Variants in ENDOU observed in about 807,000 individuals in gnomAD.
ENDOU encodes the protein uridylate-specific endoribonuclease.
In ENDOU, 49 loss-of-function variants were observed where a neutral mutation model predicts 54.2. The ratio of observed to expected loss-of-function variants is 0.90; its 90% CI spans 0.72 to 1.15. The LOEUF is 1.15. Among genes scored for constraint, ENDOU ranks in the 50% most tolerant of loss-of-function variants. ENDOU has a pLI of 0.00. For synonymous variants in ENDOU, 172 were observed against 190.5 expected (o/e 0.90, Z 0.80); for missense variants, 458 against 511.4 (o/e 0.90, Z 1.01).
chr12:47,724,281 A>T (rs1413229474), intron 1 of ENDOU, among the ~76,000 whole-genome samples: 1 of 151,958 alleles, frequency 6.6e-6, no homozygotes, highest in Non-Finnish European at 1.5e-5. Context: ...CTGCCTCTCC[A>T]CCCACTAGGG....
chr12:47,716,304 G>A lies in ENDOU; in HGVS notation c.747C>T (p.His249=). The change falls in exon 6 of 10, where the codon CAC becomes CAT. Residue 249 remains histidine (H), a synonymous_variant. Transcript: ENST00000422538. Reference sequence around the variant, plus strand: ...GGCCTGGGGGTGCTCACTCACTCTGGTGATGGAGGAAGCTGTAGAGCTCCT... The same window carrying A: ...GGCCTGGGGGTGCTCACTCACTCTGATGATGGAGGAAGCTGTAGAGCTCCT... ...VMKELYSFLH[H]QNRYGSEQEF... 2.5e-6 allele frequency: 4 copies of A among 1,614,002 alleles called. No individual in the cohort carries two copies. The highest frequency in any genetic ancestry group is 3.4e-6 in the Non-Finnish European group (4 of 1,179,948).
Position 47,710,880 on chromosome 12 carries a change from C to T in ENDOU, c.1155G>A (p.Arg385=). ...LSLGGYPLAV[R]TYTWDKSTYG... ...AGGTGGACTTGTCCCAGGTATATGTCCGGACAGCTAAGGGATATCCTCCCA... is the reference window on the plus strand; with the variant it reads ...AGGTGGACTTGTCCCAGGTATATGTTCGGACAGCTAAGGGATATCCTCCCA... The change falls in exon 10 of 10, where the codon CGG becomes CGA. Residue 385 remains arginine, a synonymous_variant. Coordinates refer to ENST00000422538, the MANE Select transcript of ENDOU (RefSeq NM_001172439.2). The T allele has an allele frequency of 1.2e-6, 2 of 1,614,090 alleles. No individual in the cohort carries two copies. The highest frequency in any genetic ancestry group is 1.7e-6 in the Non-Finnish European group (2 of 1,179,948).
At position 47,717,963 on chromosome 12, in the gene ENDOU, C is replaced by A. The variant is rs572390182; in HGVS notation, c.244+166G>T. ...CTCCTCCCATGGCCCCCCAGGCTGG[C>A]TGAGCCCCCCCAGGCTTCTTCCTGC... is the stretch of plus-strand genomic sequence containing the variant. On this transcript the variant is annotated intron_variant, in intron 3 of 9. Transcript: ENST00000422538. The A allele has an allele frequency of 6.7e-5, 45 of 671,268 alleles. No homozygotes were observed. In the African/African-American group the frequency reaches 6.7e-4, roughly 10 times the overall value. The allele number at this position is 671,268 out of a possible 1,614,324, so 41.6% of individuals were successfully genotyped here.
At chr12:47,712,153 A>G (rs961392436) in intron 8 of ENDOU, among the ~76,000 whole-genome samples, 1 of 152,236 alleles carries the variant, frequency 6.6e-6, no homozygotes, top group Non-Finnish European at 1.5e-5. Context: ...TATAAAGTGT[A>G]TGAAGTTTAG....
At chr12:47,713,424 G>T (rs1940111523) in intron 6 of ENDOU, 36 bp from the exon 7 acceptor site, 1 of 1,482,774 alleles carries the variant, frequency 6.7e-7, no homozygotes, top group Non-Finnish European at 9.4e-7. Flanking sequence ...GAGAGGGGAG[G>T]CAGGGCCAGG....
Position 47,711,639 on chromosome 12 carries a change from C to T in ENDOU, c.1109G>A (p.Gly370Asp). The T allele has an allele frequency of 1.2e-6, 2 of 1,613,106 alleles. No homozygotes were observed. The highest frequency in any genetic ancestry group is 2.2e-5 in the East Asian group (1 of 44,860). ...LYSLCFIARPGKVCQLSLGGY... is the reference protein window; with the variant it reads ...LYSLCFIARPDKVCQLSLGGY... ...TGGCTGGCCCCATTCTTACACTTTG[C>T]CTGGCCTGGCGATGAAGCACAGGGA... The change falls in exon 9 of 10, where the codon GGC becomes GAC. Residue 370 changes from glycine to aspartate, a missense_variant. By Grantham distance (94) the Gly-to-Asp change is moderately conservative. Coordinates refer to ENST00000422538, the MANE Select transcript of ENDOU (RefSeq NM_001172439.2).
chr12:47,717,468 T>C, intron 4 of ENDOU, 50 bp downstream of exon 4: 1 of 1,597,860 alleles, frequency 6.3e-7, no homozygotes, highest in South Asian at 1.1e-5. Flanking sequence ...GAGAACCTGC[T>C]CTAAAGTCCT....
At position 47,717,893 on chromosome 12, in the gene ENDOU, C is replaced by G. The variant is rs1478632070; in HGVS notation, c.244+236G>C. The G allele has an allele frequency of 4.9e-6, 3 of 608,658 alleles. No individual in the cohort carries two copies. In the African/African-American group the frequency reaches 5.6e-5, roughly 11 times the overall value. The allele number at this position is 608,658 out of a possible 1,614,324, so 37.7% of individuals were successfully genotyped here. A position where few individuals can be genotyped will look rare whatever the true frequency, so the allele number is the denominator to read the frequency against. On this transcript the variant is annotated intron_variant, in intron 3 of 9. Coordinates refer to ENST00000422538, the MANE Select transcript of ENDOU (RefSeq NM_001172439.2). ...TCTTCTCATTCTAAAAATAAAATCT[C>G]TTCCACTTCCCTCTCCAGGCCTCAG... is the stretch of plus-strand genomic sequence containing the variant.
chr12:47,710,862 C>T lies in ENDOU; in HGVS notation c.1173G>A (p.Lys391=), dbSNP rs1939967759. The change falls in exon 10 of 10, where the codon AAG becomes AAA. Residue 391 remains lysine, a synonymous_variant. Coordinates refer to ENST00000422538, the MANE Select transcript of ENDOU (RefSeq NM_001172439.2). ...PLAVRTYTWD[K]STYGNGKKYI... ...ACTTCTTGCCATTCCCATAGGTGGA[C>T]TTGTCCCAGGTATATGTCCGGACAG... 6.2e-7 allele frequency: 1 copy of T among 1,614,040 alleles called. No homozygotes were observed. Among genetic ancestry groups the T allele is most frequent in the African/African-American group, 1.3e-5 (1 of 74,934 alleles).
At chr12:47,722,957 G>A (rs561160138) in intron 1 of ENDOU, among the ~76,000 whole-genome samples, 10 of 152,332 alleles carry the variant, frequency 6.6e-5, no homozygotes, top group African/African-American at 2.4e-4. Context: ...AAGACCTTAA[G>A]GAGAAATTTT....
intron 1 of ENDOU, among the ~76,000 whole-genome samples, chr12:47,723,262 A>C (rs976814949): frequency 6.6e-6 from 1 of 152,172 alleles, no homozygotes; most frequent in Non-Finnish European, 1.5e-5. Context: ...TTCTCTGTGC[A>C]CTTAGTCTGC....
At chr12:47,723,610 A>G (rs779180256) in intron 1 of ENDOU, among the ~76,000 whole-genome samples, 13 of 152,208 alleles carry the variant, frequency 8.5e-5, no homozygotes, top group Non-Finnish European at 1.3e-4. Context: ...TGCACTTTCT[A>G]AGACTTCAAT....
chr12:47,709,927 A>C lies in ENDOU; in HGVS notation c.*875T>G, dbSNP rs1939922792. On this transcript the variant is annotated 3_prime_UTR_variant, in exon 10 of 10. Transcript: ENST00000422538. Reference sequence around the variant, plus strand: ...ATTATGGCTGCTGGATAAGGCTTAAAATAATTATGTTAATGACACCAAGCT... The same window carrying C: ...ATTATGGCTGCTGGATAAGGCTTAACATAATTATGTTAATGACACCAAGCT... 6.6e-6 allele frequency: 1 copy of C among 152,182 alleles called. No homozygotes were observed. Among genetic ancestry groups the C allele is most frequent in the Non-Finnish European group, 1.5e-5 (1 of 68,036 alleles). The allele number at this position is 152,182 out of a possible 1,614,324, so 9.4% of individuals were successfully genotyped here.
At chr12:47,725,214 A>G in intron 1 of ENDOU, 145 bp downstream of exon 1, 1 of 841,922 alleles carries the variant, frequency 1.2e-6, no homozygotes, top group South Asian at 1.5e-5. Flanking sequence ...GACAAGGACA[A>G]CCCAAAAGTG....
Position 47,720,861 on chromosome 12 carries a change from A to G in ENDOU, c.70T>C (p.Cys24Arg). Residue 24 changes from cysteine to arginine, a missense_variant, in exon 2 of 10, where the codon TGT becomes CGT. Physicochemically the swap from Cys to Arg is radical, Grantham distance 180. Transcript: ENST00000422538. ...GLAWAGKIESCASRCNEKFNR... is the reference protein window; with the variant it reads ...GLAWAGKIESRASRCNEKFNR... ...AATTTCTCATTACATCGAGATGCAC[A>G]GGATTCTATTTTTCCTATGGGCAGT... 1 of 1,536,096 alleles carries G rather than the reference A, an allele frequency of 6.5e-7. No individual in the cohort carries two copies. The highest frequency in any genetic ancestry group is 8.7e-7 in the Non-Finnish European group (1 of 1,146,880).
intron 2 of ENDOU, chr12:47,720,066 T>C (rs1042309742): frequency 6.6e-6 from 1 of 152,358 alleles, no homozygotes; most frequent in African/African-American, 2.4e-5. Flanking sequence ...GACCATGTTT[T>C]CAAAACTGGG....
In ENDOU at chr12:47,716,936, T is replaced by C. The variant is rs375918495; in HGVS notation, c.505A>G (p.Ile169Val). The change falls in exon 5 of 10, where the codon ATC becomes GTC. Residue 169 changes from isoleucine to valine, a missense_variant. Transcript: ENST00000422538. ...EDIVLNSQNC[I>V]SPSETRNQVD... ...TGGTTTCTGGTCTCTGACGGGGAGA[T>C]GCAGTTTTGGCTATTGAGAACGATG... 7.6e-5 allele frequency: 122 copies of C among 1,614,100 alleles called. No homozygotes were observed. The highest frequency in any genetic ancestry group is 1.0e-4 in the Non-Finnish European group (120 of 1,180,048).
At chr12:47,721,209 G>A (rs1940422623) in intron 1 of ENDOU, among the ~76,000 whole-genome samples, 1 of 152,194 alleles carries the variant, frequency 6.6e-6, no homozygotes. Context: ...TGAGAGCAAT[G>A]CTCCATCTGA....
intron 2 of ENDOU, 185 bp downstream of exon 2, chr12:47,720,568 G>A (rs1940397926): frequency 2.1e-6 from 1 of 471,840 alleles, no homozygotes; most frequent in Non-Finnish European, 3.7e-6. Flanking sequence ...TTTAAGTTGG[G>A]GGCATCCTAG....
Sources: allele counts gnomAD v4.1 joint callset (sites outside exome capture counted in the v4.1 genomes callset), GRCh38; gene constraint gnomAD v4.1.1; transcripts MANE v1.5; gene names NCBI Gene and HGNC (gene_info 2026-07-23, HGNC 2026-07-21).